TANC2: variants seen among roughly 807,000 people sequenced by gnomAD.
TANC2 encodes the protein protein TANC2.
TANC2 carries 26 observed loss-of-function variants against 210.5 expected under a neutral mutation model. That is an observed-to-expected ratio of 0.12 (90% CI 0.09 to 0.17). The LOEUF is 0.17. Among genes scored for constraint, TANC2 ranks in the 10% least tolerant of loss-of-function variants. The pLI is 1.00. For missense variants in TANC2, 2,129 were observed against 2,608.9 expected (o/e 0.82, Z 4.01); for synonymous variants, 931 against 967.1 (o/e 0.96, Z 0.69).
intron 1 of TANC2, among the ~76,000 whole-genome samples, chr17:62,971,244 G>A (rs2031676370): frequency 6.6e-6 from 1 of 152,090 alleles, no homozygotes; most frequent in African/African-American, 2.4e-5. Context: ...TCTTGAAAAG[G>A]CCACGGAGAG....
At chr17:63,355,533 A>G in intron 14 of TANC2, 143 bp downstream of exon 14, 7 of 928,540 alleles carry the variant, frequency 7.5e-6, no homozygotes, top group South Asian at 3.9e-5. Flanking sequence ...AGGCAAGGCT[A>G]TAATGAGGTT....
chr17:63,291,231 A>G (rs1353862172), intron 9 of TANC2, among the ~76,000 whole-genome samples: 2 of 152,194 alleles, frequency 1.3e-5, no homozygotes, highest in Non-Finnish European at 2.9e-5. Context: ...TAAACAGGGA[A>G]TGTGTTCCTG....
At chr17:63,403,028 G>A (rs1176285660) in intron 19 of TANC2, among the ~76,000 whole-genome samples, 1 of 152,220 alleles carries the variant, frequency 6.6e-6, no homozygotes, top group African/African-American at 2.4e-5. Flanking sequence ...CTAAACAACA[G>A]AGATGATACA....
chr17:63,092,008 CTGTT>C (rs199661701), intron 3 of TANC2, among the ~76,000 whole-genome samples: 4,487 of 152,190 alleles, frequency 0.029, 82 homozygotes, highest in South Asian at 0.038. Context: ...ATTTGGCTCT[CTGTT>C]TGTCTGTTAT....
chr17:62,999,140 C>T (rs2033253581), intron 1 of TANC2, among the ~76,000 whole-genome samples: 1 of 152,110 alleles, frequency 6.6e-6, no homozygotes, highest in Non-Finnish European at 1.5e-5. Flanking sequence ...CTTGGTGCTA[C>T]CTTTACAGTA....
chr17:63,108,985 A>G (rs1185654829), intron 4 of TANC2, among the ~76,000 whole-genome samples: 2 of 151,536 alleles, frequency 1.3e-5, no homozygotes, highest in African/African-American at 4.9e-5. Flanking sequence ...AAAGTTTTAA[A>G]ATAACTTTTT....
At chr17:63,033,957 CA>C (rs1472653708) in intron 2 of TANC2, among the ~76,000 whole-genome samples, 7 of 152,082 alleles carry the variant, frequency 4.6e-5, no homozygotes, top group African/African-American at 1.4e-4. Context: ...GTGTAGCTAC[CA>C]CCACAATTAG....
intron 2 of TANC2, among the ~76,000 whole-genome samples, chr17:63,054,497 G>A (rs1053108776): frequency 4.0e-5 from 6 of 151,682 alleles, no homozygotes; most frequent in African/African-American, 1.2e-4. Flanking sequence ...TCAGCCTCCC[G>A]AGTAGCTGAG....
intron 19 of TANC2, 28 bp from the exon 20 acceptor site, chr17:63,405,094 A>G: frequency 2.5e-6 from 4 of 1,591,772 alleles, no homozygotes; most frequent in Admixed American, 1.7e-5. Context: ...AGAACCACCT[A>G]TCCTCAATCT....
At chr17:63,080,294 GA>G (rs1036129043) in intron 3 of TANC2, among the ~76,000 whole-genome samples, 14 of 152,254 alleles carry the variant, frequency 9.2e-5, no homozygotes, top group African/African-American at 3.4e-4. Flanking sequence ...TGCATTAAAT[GA>G]TTTTTTTCAT....
In TANC2 at chr17:63,137,618, C is replaced by T. The variant is rs116796550; in HGVS notation, c.323-13652C>T. Reference sequence around the variant, plus strand: ...GACAAAGATTTGTTTTATCCATGAGCGCTTTTTAAGACTCACTTTGTATAG... The same window carrying T: ...GACAAAGATTTGTTTTATCCATGAGTGCTTTTTAAGACTCACTTTGTATAG... On this transcript the variant is annotated intron_variant, in intron 4 of 27. Transcript: ENST00000689528. 8.5e-3 allele frequency among the ~76,000 whole-genome samples: 1,297 copies of T among 152,210 alleles called. 16 individuals carry two copies. The highest frequency in any genetic ancestry group is 0.029 in the African/African-American group (1,188 of 41,532).
At chr17:63,159,033 C>T (rs954556289) in intron 5 of TANC2, among the ~76,000 whole-genome samples, 2 of 152,192 alleles carry the variant, frequency 1.3e-5, no homozygotes, top group African/African-American at 4.8e-5. Flanking sequence ...AACATGGCAC[C>T]TTGTTTCATG....
At chr17:63,258,818 G>A (rs1425232912) in intron 8 of TANC2, among the ~76,000 whole-genome samples, 3 of 152,094 alleles carry the variant, frequency 2.0e-5, no homozygotes, top group African/African-American at 7.2e-5. Flanking sequence ...AGCCCTCTTG[G>A]TGCTTTACCC....
At chr17:63,268,150 G>C (rs1285795907) in intron 9 of TANC2, among the ~76,000 whole-genome samples, 1 of 152,228 alleles carries the variant, frequency 6.6e-6, no homozygotes, top group African/African-American at 2.4e-5. Context: ...AGGGGCTGTG[G>C]TAATGGGGGA....
At chr17:62,967,009 C>G (rs1432128245) in intron 1 of TANC2, 4 of 152,340 alleles carry the variant, frequency 2.6e-5, no homozygotes, top group Admixed American at 6.5e-5. Context: ...CTCTGGATGA[C>G]GGGGACCAAG....
chr17:63,256,317 C>G (rs967732286), intron 8 of TANC2, among the ~76,000 whole-genome samples: 2 of 152,158 alleles, frequency 1.3e-5, no homozygotes, highest in Non-Finnish European at 2.9e-5. Context: ...TAATTTGTTT[C>G]AAGAAATCTG....
At chr17:63,391,640 C>A (rs1469324837) in intron 17 of TANC2, 1 of 152,068 alleles carries the variant, frequency 6.6e-6, no homozygotes, top group African/African-American at 2.4e-5. Flanking sequence ...TTAAAAGTCA[C>A]TAATGACTGC....
At chr17:63,068,067 G>A (rs987270034) in intron 2 of TANC2, among the ~76,000 whole-genome samples, 3 of 152,064 alleles carry the variant, frequency 2.0e-5, no homozygotes, top group Non-Finnish European at 2.9e-5. Flanking sequence ...AAAGCAGCCC[G>A]AGAGAAATAA....
intron 12 of TANC2, among the ~76,000 whole-genome samples, chr17:63,343,159 T>C (rs1598898767): frequency 6.6e-6 from 1 of 150,936 alleles, no homozygotes; most frequent in African/African-American, 2.5e-5. Context: ...GCTAAGCACT[T>C]ATATTAAAAG....
Sources: gnomAD v4.1 joint callset for allele counts (sites outside exome capture counted in the v4.1 genomes callset) on GRCh38, gnomAD v4.1.1 for gene constraint, MANE v1.5 for transcripts, NCBI Gene and HGNC (gene_info 2026-07-23, HGNC 2026-07-21) for gene names.